The following TECRL variants were observed in gnomAD, a reference collection of about 807,000 sequenced individuals.
TECRL encodes the protein trans-2,3-enoyl-CoA reductase like, also known as trans-2,3-enoyl-CoA reductase-like.
Under a neutral mutation model 52.8 loss-of-function variants are expected in TECRL, and 63 were observed. The observed-to-expected ratio is 1.19, with a 90% confidence interval of 0.97 to 1.47. TECRL has a LOEUF of 1.47. Ranked by LOEUF, TECRL falls within the 40% of genes most tolerant of loss-of-function variation. The probability of loss-of-function intolerance (pLI) is 0.00; values close to 1 mark genes in which losing one functional copy is unlikely to be tolerated. For synonymous variants in TECRL, 164 were observed against 141.9 expected, an observed-to-expected ratio of 1.16 and a Z score of -1.10; for missense variants, 482 against 429.6, an observed-to-expected ratio of 1.12 and a Z score of -1.08.
chr4:64,381,032 ATCAGATG>A (rs1406521586), intron 1 of TECRL, among the ~76,000 whole-genome samples: 1 of 152,136 alleles, frequency 6.6e-6, no homozygotes, highest in Non-Finnish European at 1.5e-5. Context: ...ATCCATTAGC[ATCAGATG>A]TCTTTCCATT....
At chr4:64,351,666 T>C (rs957222353) in intron 2 of TECRL, among the ~76,000 whole-genome samples, 1 of 152,218 alleles carries the variant, frequency 6.6e-6, no homozygotes, top group Non-Finnish European at 1.5e-5. Context: ...CCATTACAAA[T>C]TCTATGCATG....
chr4:64,368,531 T>A (rs1721769061), intron 2 of TECRL, among the ~76,000 whole-genome samples: 1 of 152,088 alleles, frequency 6.6e-6, no homozygotes, highest in Non-Finnish European at 1.5e-5. Flanking sequence ...CCTGACCTCA[T>A]GATCCGCCCG....
chr4:64,349,096 AT>A lies in TECRL; in HGVS notation c.287-20541del, dbSNP rs200831203. ...AAAAAAAAACCTAAAATTTTCATAAATTTTTTTTAATAAAATGTGAAAATAA... is the reference window on the plus strand; with the variant it reads ...AAAAAAAAACCTAAAATTTTCATAAATTTTTTTAATAAAATGTGAAAATAA... On this transcript the variant is annotated intron_variant, in intron 2 of 11. Coordinates refer to ENST00000381210, the MANE Select transcript of TECRL (RefSeq NM_001010874.5). Among the ~76,000 whole-genome samples, 53 of 148,968 alleles carry A rather than the reference AT, an allele frequency of 3.6e-4. 2 individuals are homozygous for A. In the East Asian group the frequency reaches 9.1e-3, roughly 25 times the overall value.
chr4:64,317,312 C>T (rs911037513), intron 4 of TECRL, among the ~76,000 whole-genome samples: 2 of 151,762 alleles, frequency 1.3e-5, no homozygotes, highest in East Asian at 1.9e-4. Context: ...AGGTAATAAT[C>T]TGCTTAAAAA....
chr4:64,323,743 G>C (rs188404542), intron 3 of TECRL, among the ~76,000 whole-genome samples: 2 of 152,158 alleles, frequency 1.3e-5, no homozygotes, highest in African/African-American at 2.4e-5. Context: ...TTGATCAGCT[G>C]ATTGAAAGGA....
At position 64,355,392 on chromosome 4, in the gene TECRL, A is replaced by C. The variant is rs145100523; in HGVS notation, c.286+19780T>G. Among the ~76,000 whole-genome samples, 1,173 of 142,430 alleles carry C rather than the reference A, an allele frequency of 8.2e-3. 17 individuals are homozygous for C. The highest frequency in any genetic ancestry group is 0.027 in the African/African-American group (1,100 of 40,144). 93.4% of individuals were successfully genotyped at this position (142,430 alleles called of 152,430 possible). On this transcript the variant is annotated intron_variant, in intron 2 of 11. Transcript: ENST00000381210. The stretch of plus-strand genomic sequence containing the variant: ...TTTTCTACCTAAAATATTTTTCTAT[A>C]TTAACTTTTGTACTCTCCAAATTAA...
At chr4:64,311,584 T>C (rs1439945244) in intron 5 of TECRL, among the ~76,000 whole-genome samples, 1 of 152,214 alleles carries the variant, frequency 6.6e-6, no homozygotes, top group African/African-American at 2.4e-5. Flanking sequence ...CAAGCTATGA[T>C]TTCTCTATAT....
intron 8 of TECRL, among the ~76,000 whole-genome samples, chr4:64,294,598 C>T (rs975918717): frequency 4.0e-5 from 6 of 151,552 alleles, no homozygotes; most frequent in Admixed American, 4.0e-4. Context: ...CTTGCTTTCA[C>T]GGACAAAAAA....
intron 7 of TECRL, among the ~76,000 whole-genome samples, chr4:64,301,102 T>C (rs1479598006): frequency 1.3e-5 from 2 of 150,854 alleles, no homozygotes; most frequent in Admixed American, 1.3e-4. Flanking sequence ...GGAAGTCTTG[T>C]TTTTATGAAG....
At chr4:64,403,385 C>T (rs1045781699) in intron 1 of TECRL, among the ~76,000 whole-genome samples, 2 of 151,534 alleles carry the variant, frequency 1.3e-5, no homozygotes, top group African/African-American at 2.4e-5. Context: ...AGGATGATTT[C>T]TAACTGCCTG....
At position 64,322,809 on chromosome 4, in the gene TECRL, A is replaced by G; in HGVS notation, c.332-17T>C. ...AAGGCCCGCCTAAAATAAAAATAAC[A>G]AGAAAATTTTATTTTAATACAATTT... On this transcript the variant is annotated splice_polypyrimidine_tract_variant and intron_variant, in intron 3 of 11. Coordinates refer to ENST00000381210, the MANE Select transcript of TECRL (RefSeq NM_001010874.5). The G allele has an allele frequency of 6.4e-7, 1 of 1,555,752 alleles. No homozygotes were observed. Among genetic ancestry groups the G allele is most frequent in the Non-Finnish European group, 8.7e-7 (1 of 1,144,650 alleles).
chr4:64,369,839 G>T (rs1483294), intron 2 of TECRL, among the ~76,000 whole-genome samples: 136,264 of 151,958 alleles, frequency 0.9, 61,789 homozygotes, highest in East Asian at 1. Context: ...GTTTTTATTA[G>T]TAGTATTATA....
chr4:64,317,264 G>A (rs762089659), intron 4 of TECRL, among the ~76,000 whole-genome samples: 55 of 152,096 alleles, frequency 3.6e-4, no homozygotes, highest in Non-Finnish European at 5.0e-4. Context: ...GGGAGACAGA[G>A]CGAGACTCCG....
chr4:64,312,481 G>A (rs780715576), intron 5 of TECRL, among the ~76,000 whole-genome samples: 2 of 152,152 alleles, frequency 1.3e-5, no homozygotes, highest in Non-Finnish European at 2.9e-5. Flanking sequence ...AGAATAGTAA[G>A]GCTGGTGCAG....
chr4:64,402,780 A>T (rs1724443715), intron 1 of TECRL, among the ~76,000 whole-genome samples: 2 of 152,136 alleles, frequency 1.3e-5, no homozygotes, highest in African/African-American at 2.4e-5. Flanking sequence ...TAAAGTTGAA[A>T]AATGAAGGGT....
chr4:64,369,663 G>A (rs1721851182), intron 2 of TECRL, among the ~76,000 whole-genome samples: 1 of 151,826 alleles, frequency 6.6e-6, no homozygotes, highest in African/African-American at 2.4e-5. Flanking sequence ...TTAGCTGCGT[G>A]ACCTGGGGCA....
At chr4:64,376,572 T>C (rs1454476574) in intron 1 of TECRL, among the ~76,000 whole-genome samples, 3 of 151,966 alleles carry the variant, frequency 2.0e-5, no homozygotes, top group Non-Finnish European at 4.4e-5. Flanking sequence ...TTGTTTTATC[T>C]CAATGTTTCT....
intron 9 of TECRL, among the ~76,000 whole-genome samples, chr4:64,284,750 C>T (rs1483369217): frequency 6.6e-6 from 1 of 151,936 alleles, no homozygotes; most frequent in East Asian, 1.9e-4. Context: ...AGTTGGATAC[C>T]CAACAATGCT....
At chr4:64,287,581 A>G (rs978940728) in intron 9 of TECRL, among the ~76,000 whole-genome samples, 2 of 152,170 alleles carry the variant, frequency 1.3e-5, no homozygotes, top group South Asian at 2.1e-4. Flanking sequence ...TTTACCAAAA[A>G]TATCTTTAAA....
Sources: gnomAD v4.1 joint callset for allele counts (sites outside exome capture counted in the v4.1 genomes callset) on GRCh38, gnomAD v4.1.1 for gene constraint, MANE v1.5 for transcripts, NCBI Gene and HGNC (gene_info 2026-07-23, HGNC 2026-07-21) for gene names.